Variants in ITGA11 observed in about 807,000 individuals in gnomAD.
ITGA11 encodes integrin alpha-11.
In ITGA11, 97 loss-of-function variants were observed where a neutral mutation model predicts 141.9. That is an observed-to-expected ratio of 0.68 (90% CI 0.58 to 0.81). The LOEUF (loss-of-function observed/expected upper bound fraction) is 0.81. Ranked by LOEUF, ITGA11 falls within the 30% of genes least tolerant of loss-of-function variation. ITGA11 has a pLI of 0.00. For missense variants in ITGA11, 1,387 were observed against 1,559.2 expected, an observed-to-expected ratio of 0.89 and a Z score of 1.86; for synonymous variants, 658 against 624.6, an observed-to-expected ratio of 1.05 and a Z score of -0.80.
At chr15:68,350,930 G>T in intron 8 of ITGA11, 148 bp from the exon 9 acceptor site, 2 of 801,078 alleles carry the variant, frequency 2.5e-6, no homozygotes, top group Non-Finnish European at 4.0e-6. Context: ...TTTGCATTTG[G>T]AATGGACTCT....
chr15:68,325,884 C>T lies in ITGA11; in HGVS notation c.2212-643G>A, dbSNP rs1277998904. 6.6e-6 allele frequency among the ~76,000 whole-genome samples: 1 copy of T among 152,228 alleles called. No individual in the cohort carries two copies. The highest frequency in any genetic ancestry group is 1.5e-5 in the Non-Finnish European group (1 of 68,040). On this transcript the variant is annotated intron_variant, in intron 17 of 29. Transcript: ENST00000315757. This position sits in a 1 kb window ranked among gnomAD's most constrained non-coding sequence, Gnocchi z 5.5. Reference sequence around the variant, plus strand: ...GCAGTGGCTGTCAAACCTGAGCTGGCACCAGAGTCCCCTGGGAGCTTGTTA... The same window carrying T: ...GCAGTGGCTGTCAAACCTGAGCTGGTACCAGAGTCCCCTGGGAGCTTGTTA...
intron 14 of ITGA11, among the ~76,000 whole-genome samples, 172 bp downstream of exon 14, chr15:68,331,687 G>A (rs989018824): frequency 6.6e-6 from 1 of 152,016 alleles, no homozygotes; most frequent in Non-Finnish European, 1.5e-5. Flanking sequence ...AAGGTAAAAT[G>A]TGCCCTTTTC....
chr15:68,405,662 C>A (rs1896633729), intron 1 of ITGA11, among the ~76,000 whole-genome samples: 1 of 152,016 alleles, frequency 6.6e-6, no homozygotes, highest in Non-Finnish European at 1.5e-5. Context: ...AGGTCCCTGG[C>A]CAGTGAAGGC....
At chr15:68,389,242 T>G (rs1896060216) in intron 2 of ITGA11, among the ~76,000 whole-genome samples, 1 of 152,250 alleles carries the variant, frequency 6.6e-6, no homozygotes, top group Non-Finnish European at 1.5e-5. Context: ...AGATCCTTTT[T>G]GTGTGTCCCT....
intron 1 of ITGA11, among the ~76,000 whole-genome samples, chr15:68,427,945 T>C (rs1043841235): frequency 2.0e-5 from 3 of 152,128 alleles, no homozygotes; most frequent in African/African-American, 7.2e-5. Context: ...ACTTCAGTGA[T>C]GAGGATCAGC....
intron 7 of ITGA11, among the ~76,000 whole-genome samples, chr15:68,353,348 G>A (rs936206442): frequency 1.3e-5 from 2 of 152,154 alleles, no homozygotes; most frequent in African/African-American, 4.8e-5. Flanking sequence ...GCAGAGGCAC[G>A]TGCCACATGA....
chr15:68,378,118 A>C lies in ITGA11; in HGVS notation c.165-8834T>G, dbSNP rs77440970. Reference sequence around the variant, plus strand: ...CATGTGTAATGTCCCCCAATTATTGAGAGAGAACCAGCGGTGGGAAGAAAA... The same window carrying C: ...CATGTGTAATGTCCCCCAATTATTGCGAGAGAACCAGCGGTGGGAAGAAAA... On this transcript the variant is annotated intron_variant, in intron 2 of 29. Transcript: ENST00000315757. Among the ~76,000 whole-genome samples the C allele has an allele frequency of 1.5e-3, 229 of 152,316 alleles. 1 individual carries two copies. The highest frequency in any genetic ancestry group is 5.3e-3 in the African/African-American group (222 of 41,562).
At chr15:68,352,782 A>G (rs1894954646) in intron 7 of ITGA11, among the ~76,000 whole-genome samples, 1 of 152,148 alleles carries the variant, frequency 6.6e-6, no homozygotes, top group African/African-American at 2.4e-5. Context: ...AATCCAGCCC[A>G]GGAGACAGCA....
At position 68,333,949 on chromosome 15, in the gene ITGA11, C is replaced by T. The variant is rs1428064225; in HGVS notation, c.1426-1471G>A. Among the ~76,000 whole-genome samples the T allele has an allele frequency of 6.6e-6, 1 of 152,232 alleles. No individual in the cohort carries two copies. The highest frequency in any genetic ancestry group is 1.9e-4 in the East Asian group (1 of 5,200). ...TCTGCACAAGCTTTTCTCTTGCATG[C>T]ACTCCCCGCCCCTGCGTCCTCCCCA... On this transcript the variant is annotated intron_variant, in intron 12 of 29. Coordinates refer to ENST00000315757, the MANE Select transcript of ITGA11 (RefSeq NM_001004439.2). The surrounding 1 kb of genome is among the most constrained non-coding windows in gnomAD (Gnocchi z 4.2).
chr15:68,379,296 G>A (rs752338180), intron 2 of ITGA11, among the ~76,000 whole-genome samples: 1 of 152,174 alleles, frequency 6.6e-6, no homozygotes, highest in Non-Finnish European at 1.5e-5. Flanking sequence ...TTAGCTGAAA[G>A]CTCCTTCAAT....
intron 10 of ITGA11, among the ~76,000 whole-genome samples, chr15:68,343,525 T>G (rs1894637914): frequency 6.6e-6 from 1 of 152,158 alleles, no homozygotes; most frequent in African/African-American, 2.4e-5. Context: ...AGTCACGGAA[T>G]TAGGATACCA....
Position 68,326,251 on chromosome 15 carries a change from G to A in ITGA11, c.2211+403C>T, listed in dbSNP as rs988435462. Among the ~76,000 whole-genome samples, 1 of 152,262 alleles carries A rather than the reference G, an allele frequency of 6.6e-6. No individual in the cohort carries two copies. Among genetic ancestry groups the A allele is most frequent in the South Asian group, 2.1e-4 (1 of 4,830 alleles). On this transcript the variant is annotated intron_variant, in intron 17 of 29. Transcript: ENST00000315757. This position sits in a 1 kb window ranked among gnomAD's most constrained non-coding sequence, Gnocchi z 6.8. Reference sequence around the variant, plus strand: ...CTACCCTACTTGTGACATCACTGGCGCCCCTCTCTGTCTCACCTCCTGTTT... The same window carrying A: ...CTACCCTACTTGTGACATCACTGGCACCCCTCTCTGTCTCACCTCCTGTTT...
intron 2 of ITGA11, among the ~76,000 whole-genome samples, chr15:68,400,493 G>A (rs1374572397): frequency 7.3e-6 from 1 of 136,416 alleles, no homozygotes; most frequent in East Asian, 2.0e-4. Flanking sequence ...GCCATAGACT[G>A]GGAACAGATA....
rs575623000 is a variant in ITGA11 at position 68,339,295 on chromosome 15, T to TA, written c.1276+204_1276+205insT. On this transcript the variant is annotated intron_variant, in intron 11 of 29. Coordinates refer to ENST00000315757, the MANE Select transcript of ITGA11 (RefSeq NM_001004439.2). ...ATTCTACCTATTTATGGAGAGCCTG[T>TA]TATACGCTGGGCATGGTGCTGGGCG... Among the ~76,000 whole-genome samples the TA allele has an allele frequency of 3.0e-3, 453 of 152,300 alleles. 2 individuals carry two copies. The highest frequency in any genetic ancestry group is 0.01 in the African/African-American group (430 of 41,556).
At chr15:68,426,141 C>T (rs1246552020) in intron 1 of ITGA11, among the ~76,000 whole-genome samples, 3 of 152,232 alleles carry the variant, frequency 2.0e-5, no homozygotes, top group Non-Finnish European at 4.4e-5. Context: ...CATCTGCTGG[C>T]TGGCCCTGGT....
At chr15:68,396,489 T>A (rs987494515) in intron 2 of ITGA11, among the ~76,000 whole-genome samples, 1 of 152,004 alleles carries the variant, frequency 6.6e-6, no homozygotes, top group Non-Finnish European at 1.5e-5. Context: ...TATGAAATAT[T>A]GGAAAATTTC....
At chr15:68,408,034 C>T (rs1166534039) in intron 1 of ITGA11, among the ~76,000 whole-genome samples, 1 of 152,216 alleles carries the variant, frequency 6.6e-6, no homozygotes, top group Admixed American at 6.5e-5. Context: ...GGGAGAAAGT[C>T]CAAAATGTTC....
At chr15:68,419,310 A>G (rs11852717) in intron 1 of ITGA11, among the ~76,000 whole-genome samples, 115,703 of 152,106 alleles carry the variant, frequency 0.76, 44,286 homozygotes, top group African/African-American at 0.82. Context: ...TAAAGGAGTC[A>G]AGGGCTCATG....
intron 2 of ITGA11, among the ~76,000 whole-genome samples, chr15:68,370,578 C>T (rs1895558131): frequency 6.6e-6 from 1 of 152,226 alleles, no homozygotes; most frequent in Admixed American, 6.5e-5. Context: ...GGGTGCCGGT[C>T]TGGCTCTCTG....
Sources: allele counts gnomAD v4.1 joint callset (sites outside exome capture counted in the v4.1 genomes callset), GRCh38; gene constraint gnomAD v4.1.1; non-coding constraint Gnocchi (gnomAD v3.1); transcripts MANE v1.5; gene names NCBI Gene and HGNC (gene_info 2026-07-23, HGNC 2026-07-21).